NRXN3: variants seen among roughly 807,000 people sequenced by gnomAD.
NRXN3 encodes neurexin 3.
Under a neutral mutation model 137.6 loss-of-function variants are expected in NRXN3, and 32 were observed. The ratio of observed to expected loss-of-function variants is 0.23; its 90% confidence interval spans 0.18 to 0.31. The LOEUF is 0.31. Ranked by LOEUF, NRXN3 falls within the 10% of genes least tolerant of loss-of-function variation. The probability of loss-of-function intolerance (pLI) is 1.00; values close to 1 mark genes in which losing one functional copy is unlikely to be tolerated. For missense variants in NRXN3, 1,574 were observed against 2,062.5 expected (o/e 0.76, Z 4.59); for synonymous variants, 798 against 784.5 (o/e 1.02, Z -0.29).
chr14:79,796,311 G>A lies in NRXN3; in HGVS notation c.4015-8801G>A, dbSNP rs562621549. Among the ~76,000 whole-genome samples the A allele has an allele frequency of 5.3e-3, 805 of 152,224 alleles. 6 individuals are homozygous for A. Among genetic ancestry groups the A allele is most frequent in the Middle Eastern group, 0.01 (3 of 294 alleles). ...ATTTAGAGGGATTTGCTTATCAGTG[G>A]AACACCACGTAGCATTACATTCCTC... is the stretch of plus-strand genomic sequence containing the variant. On this transcript the variant is annotated intron_variant, in intron 19 of 20. Transcript: ENST00000335750.
intron 15 of NRXN3, among the ~76,000 whole-genome samples, chr14:79,276,723 A>G (rs1300044354): frequency 6.6e-6 from 1 of 151,756 alleles, no homozygotes; most frequent in Non-Finnish European, 1.5e-5. Flanking sequence ...AAAAAAAAAA[A>G]AAAAGAAAAA....
At chr14:79,509,947 G>A (rs2096916573) in intron 16 of NRXN3, among the ~76,000 whole-genome samples, 1 of 152,138 alleles carries the variant, frequency 6.6e-6, no homozygotes, top group Non-Finnish European at 1.5e-5. Flanking sequence ...GGCCTTTCAT[G>A]CAGTCAGCTC....
In NRXN3 at chr14:78,827,455, T is replaced by C. The variant is rs549202659; in HGVS notation, c.2275+17111T>C. Among the ~76,000 whole-genome samples, 21 of 152,316 alleles carry C rather than the reference T, an allele frequency of 1.4e-4. No homozygotes were observed. The South Asian group carries it at 4.1e-3, about 30-fold the overall frequency. On this transcript the variant is annotated intron_variant, in intron 10 of 20. Coordinates refer to ENST00000335750, the MANE Select transcript of NRXN3 (RefSeq NM_001330195.2). ...AAGAGAATAGATGGTGGGAAAACTA[T>C]TGGATGCCATCAGAATATTTTAAAG...
At chr14:78,574,765 T>G (rs2096920909) in intron 4 of NRXN3, among the ~76,000 whole-genome samples, 1 of 152,238 alleles carries the variant, frequency 6.6e-6, no homozygotes, top group Non-Finnish European at 1.5e-5. Flanking sequence ...GAGTTAATGC[T>G]GGAATGAGTT....
intron 10 of NRXN3, among the ~76,000 whole-genome samples, chr14:78,812,345 T>C (rs1311117762): frequency 6.6e-6 from 1 of 152,220 alleles, no homozygotes; most frequent in Non-Finnish European, 1.5e-5. Flanking sequence ...GGAAATATTT[T>C]CTCTTTCCTT....
At chr14:78,479,557 A>C (rs755643592) in intron 4 of NRXN3, among the ~76,000 whole-genome samples, 2 of 152,242 alleles carry the variant, frequency 1.3e-5, no homozygotes, top group Non-Finnish European at 2.9e-5. Flanking sequence ...TCCCCAGAAC[A>C]TACTTATTAA....
At chr14:78,604,157 G>T (rs982950391) in intron 4 of NRXN3, among the ~76,000 whole-genome samples, 1 of 152,136 alleles carries the variant, frequency 6.6e-6, no homozygotes. Flanking sequence ...ACTACCACAA[G>T]AACAGTATGA....
At position 78,738,389 on chromosome 14, in the gene NRXN3, C is replaced by G. The variant is rs375594395; in HGVS notation, c.2044+23250C>G. ...TCGAGGAATGAGTCTCAGCCTTGGT[C>G]CGTCACTTCCAGCCTAGGTGGGGGA... is the stretch of plus-strand genomic sequence containing the variant. On this transcript the variant is annotated intron_variant, in intron 8 of 20. Transcript: ENST00000335750. Among the ~76,000 whole-genome samples, 11 of 152,300 alleles carry G rather than the reference C, an allele frequency of 7.2e-5. No individual in the cohort carries two copies. In the South Asian group the frequency reaches 1.7e-3, roughly 23 times the overall value.
chr14:79,699,689 C>G (rs1321133693), intron 19 of NRXN3, among the ~76,000 whole-genome samples: 1 of 152,016 alleles, frequency 6.6e-6, no homozygotes, highest in African/African-American at 2.4e-5. Flanking sequence ...GATTATAACT[C>G]TAAACGTTAT....
In NRXN3 at chr14:79,129,087, G is replaced by T. The variant is rs576862186; in HGVS notation, c.3262+140946G>T. Among the ~76,000 whole-genome samples, 8 of 151,480 alleles carry T rather than the reference G, an allele frequency of 5.3e-5. No individual in the cohort carries two copies. The East Asian group carries it at 1.5e-3, about 29-fold the overall frequency. ...CTCTCTTTTTTTCTTTATTAATCTT[G>T]CTAGCAGTCTATCAATTTTGTTGAT... On this transcript the variant is annotated intron_variant, in intron 15 of 20. Coordinates refer to ENST00000335750, the MANE Select transcript of NRXN3 (RefSeq NM_001330195.2).
At chr14:79,225,835 C>G (rs183992282) in intron 15 of NRXN3, among the ~76,000 whole-genome samples, 227 of 152,110 alleles carry the variant, frequency 1.5e-3, no homozygotes, top group African/African-American at 5.3e-3. Context: ...GGTTTTTTTG[C>G]TGGCTGAAAA....
chr14:78,465,016 A>AT (rs1363824115), intron 4 of NRXN3, among the ~76,000 whole-genome samples: 1 of 152,030 alleles, frequency 6.6e-6, no homozygotes, highest in Non-Finnish European at 1.5e-5. Flanking sequence ...CCTACTATTC[A>AT]TTTTTTCATT....
intron 8 of NRXN3, among the ~76,000 whole-genome samples, chr14:78,743,802 A>C (rs1467810933): frequency 6.6e-6 from 1 of 152,178 alleles, no homozygotes; most frequent in Admixed American, 6.5e-5. Context: ...GGGATCCTTC[A>C]TTGAAAGCCT....
chr14:79,376,479 T>A (rs901120074), intron 15 of NRXN3, among the ~76,000 whole-genome samples: 7 of 151,954 alleles, frequency 4.6e-5, no homozygotes, highest in African/African-American at 1.7e-4. Flanking sequence ...GCATCTCTGA[T>A]TCTCTAAGAA....
At chr14:79,782,293 C>A (rs1197933492) in intron 19 of NRXN3, among the ~76,000 whole-genome samples, 1 of 152,096 alleles carries the variant, frequency 6.6e-6, no homozygotes, top group African/African-American at 2.4e-5. Context: ...TATTACTTTT[C>A]CCCTATAGTT....
At chr14:78,724,992 T>C (rs1399085742) in intron 8 of NRXN3, among the ~76,000 whole-genome samples, 1 of 152,206 alleles carries the variant, frequency 6.6e-6, no homozygotes, top group Non-Finnish European at 1.5e-5. Context: ...ATGCAGTCTT[T>C]CTTGGAGAAG....
intron 10 of NRXN3, among the ~76,000 whole-genome samples, chr14:78,946,780 C>T (rs1281272066): frequency 2.0e-5 from 3 of 152,050 alleles, no homozygotes; most frequent in African/African-American, 7.2e-5. Flanking sequence ...CCAACATAGT[C>T]GGTTTTGCAT....
intron 15 of NRXN3, among the ~76,000 whole-genome samples, chr14:79,383,446 T>C (rs1190502021): frequency 6.6e-6 from 1 of 152,152 alleles, no homozygotes; most frequent in Non-Finnish European, 1.5e-5. Flanking sequence ...AAAATTTGTC[T>C]GCAAAAAGCC....
At chr14:79,592,574 C>G (rs2153822612) in intron 16 of NRXN3, among the ~76,000 whole-genome samples, 2 of 147,504 alleles carry the variant, frequency 1.4e-5, no homozygotes, top group East Asian at 2.0e-4. Context: ...CTGATGAAGC[C>G]CATCAATTTC....
Sources: allele counts gnomAD v4.1 joint callset (sites outside exome capture counted in the v4.1 genomes callset), GRCh38; gene constraint gnomAD v4.1.1; transcripts MANE v1.5; gene names NCBI Gene and HGNC (gene_info 2026-07-23, HGNC 2026-07-21).